Variants in BST1 observed in about 807,000 individuals in gnomAD.
BST1 encodes the protein bone marrow stromal cell antigen 1, also known as ADP-ribosyl cyclase/cyclic ADP-ribose hydrolase 2.
A neutral mutation model predicts 40.6 loss-of-function variants in BST1; 49 were observed. The observed-to-expected ratio is 1.21, with a 90% CI of 0.96 to 1.53. The LOEUF (loss-of-function observed/expected upper bound fraction) is 1.53. Among genes scored for constraint, BST1 ranks in the 40% most tolerant of loss-of-function variants. The pLI is 0.00. For synonymous variants in BST1, 157 were observed against 159.3 expected (o/e 0.99, Z 0.11); for missense variants, 423 against 395.9 (o/e 1.07, Z -0.58).
intron 3 of BST1, among the ~76,000 whole-genome samples, chr4:15,710,120 C>T (rs144106044): frequency 1.7e-3 from 252 of 152,118 alleles, no homozygotes; most frequent in African/African-American, 5.9e-3. Flanking sequence ...TACAGGCACA[C>T]ACCACCACAC....
At chr4:15,731,575 A>C in intron 8 of BST1, 165 bp from the exon 9 acceptor site, 1 of 1,077,700 alleles carries the variant, frequency 9.3e-7, no homozygotes, top group Non-Finnish European at 1.4e-6. Context: ...GTTTCGGTGC[A>C]GGACTTCGCG....
At chr4:15,770,658 T>C in the BST1 span, among the ~76,000 whole-genome samples, 2 of 152,048 alleles carry the variant, frequency 1.3e-5, no homozygotes, top group African/African-American at 2.4e-5. Context: ...CGAGATTGCA[T>C]CATTGCACTC....
downstream of BST1, among the ~76,000 whole-genome samples, chr4:15,735,347 C>A (rs1298010270): frequency 6.6e-6 from 1 of 152,162 alleles, no homozygotes; most frequent in African/African-American, 2.4e-5. Context: ...CTTTGCAGCC[C>A]TAGCCTAGCC....
chr4:15,725,113 A>C (rs1721029714), intron 8 of BST1, among the ~76,000 whole-genome samples: 1 of 147,416 alleles, frequency 6.8e-6, no homozygotes, highest in African/African-American at 2.6e-5. Flanking sequence ...TGTCATTTAG[A>C]CAGAAGCCAG....
chr4:15,745,590 A>C, the BST1 span, among the ~76,000 whole-genome samples: 3 of 152,230 alleles, frequency 2.0e-5, no homozygotes, highest in African/African-American at 7.2e-5. Flanking sequence ...GAGGTCATTC[A>C]AAATCAAGAG....
intron 8 of BST1, among the ~76,000 whole-genome samples, chr4:15,728,088 G>A (rs955666771): frequency 2.6e-5 from 4 of 151,954 alleles, no homozygotes; most frequent in East Asian, 3.9e-4. Flanking sequence ...CAGACATATA[G>A]TACTGGAATG....
At chr4:15,745,363 TATA>T in the BST1 span, among the ~76,000 whole-genome samples, 1 of 152,364 alleles carries the variant, frequency 6.6e-6, no homozygotes, top group South Asian at 2.1e-4. Context: ...TTGTCAGTAA[TATA>T]ATATTTTTAA....
At chr4:15,727,591 G>T (rs1297089676) in intron 8 of BST1, among the ~76,000 whole-genome samples, 1 of 152,092 alleles carries the variant, frequency 6.6e-6, no homozygotes, top group Non-Finnish European at 1.5e-5. Flanking sequence ...AACTTTCTTG[G>T]CATACATTAA....
chr4:15,767,873 G>C, the BST1 span, among the ~76,000 whole-genome samples: 2 of 151,856 alleles, frequency 1.3e-5, no homozygotes, highest in Non-Finnish European at 2.9e-5. Flanking sequence ...TGCCCATCTC[G>C]GCCTCCTCAA....
chr4:15,728,906 A>T (rs546595768), intron 8 of BST1, among the ~76,000 whole-genome samples: 1 of 152,068 alleles, frequency 6.6e-6, no homozygotes, highest in East Asian at 1.9e-4. Context: ...TTGGCCTCCC[A>T]AAGTGCTGGG....
chr4:15,703,503 G>T (rs1719664062), intron 1 of BST1, among the ~76,000 whole-genome samples, 171 bp downstream of exon 1: 1 of 151,640 alleles, frequency 6.6e-6, no homozygotes, highest in Non-Finnish European at 1.5e-5. Context: ...GGCGAGTGAG[G>T]AGGGGGCTGT....
In BST1 at chr4:15,703,280, A is replaced by G. The variant is rs551222169; in HGVS notation, c.136A>G (p.Ile46Val). ...GEGTSAHLRD[I>V]FLGRCAEYRA... is the part of the protein sequence containing the mutation. ...GGGCACCAGCGCACACTTGCGGGAC[A>G]TCTTCCTGGGCCGCTGCGCCGAGTA... The change falls in exon 1 of 9, where the codon ATC (isoleucine) becomes GTC (valine). Residue 46 changes from isoleucine to valine, a missense_variant. Ile to Val is a conservative substitution (Grantham distance 29). Coordinates refer to ENST00000265016, the MANE Select transcript of BST1 (RefSeq NM_004334.3). 4 of 1,536,304 alleles carry G rather than the reference A, an allele frequency of 2.6e-6. No individual in the cohort carries two copies. The highest frequency in any genetic ancestry group is 2.0e-5 in the Admixed American group (1 of 50,226).
the BST1 span, among the ~76,000 whole-genome samples, chr4:15,771,813 T>C: frequency 6.6e-6 from 1 of 152,238 alleles, no homozygotes; most frequent in Non-Finnish European, 1.5e-5. Context: ...TGTTGTAGCA[T>C]TCTGTGCTCA....
At chr4:15,747,856 T>A in the BST1 span, among the ~76,000 whole-genome samples, 63 of 152,242 alleles carry the variant, frequency 4.1e-4, no homozygotes, top group African/African-American at 1.5e-3. Context: ...TTCTTATTTT[T>A]TGTAGAGATG....
chr4:15,707,866 T>TAG (rs1560277602), intron 3 of BST1, among the ~76,000 whole-genome samples: 2 of 147,880 alleles, frequency 1.4e-5, no homozygotes, highest in Non-Finnish European at 3.0e-5. Context: ...TATATATATA[T>TAG]ATATATATAC....
the BST1 span, among the ~76,000 whole-genome samples, chr4:15,771,980 T>C: frequency 7.4e-3 from 1,128 of 151,636 alleles, 8 homozygotes; most frequent in Non-Finnish European, 0.013. Flanking sequence ...ATATGTCCTA[T>C]GCTATAATTT....
At chr4:15,714,982 T>C (rs924101291) in intron 4 of BST1, among the ~76,000 whole-genome samples, 3 of 152,240 alleles carry the variant, frequency 2.0e-5, no homozygotes, top group African/African-American at 7.2e-5. Context: ...CACTGCAGTT[T>C]CGAGGTTCTT....
intron 1 of BST1, among the ~76,000 whole-genome samples, chr4:15,703,566 G>A (rs1577560903): frequency 6.7e-6 from 1 of 150,134 alleles, no homozygotes; most frequent in Non-Finnish European, 1.5e-5. Flanking sequence ...AGATGAGTGT[G>A]TGTGTGTGCG....
chr4:15,762,074 A>G, the BST1 span, among the ~76,000 whole-genome samples: 1 of 151,110 alleles, frequency 6.6e-6, no homozygotes, highest in Non-Finnish European at 1.5e-5. Context: ...CTGTAGTCCC[A>G]GCTACTCGGG....
Sources: gnomAD v4.1 joint callset for allele counts (sites outside exome capture counted in the v4.1 genomes callset) on GRCh38, gnomAD v4.1.1 for gene constraint, MANE v1.5 for transcripts, NCBI Gene and HGNC (gene_info 2026-07-23, HGNC 2026-07-21) for gene names.